DLGAP4: variants seen among roughly 807,000 people sequenced by gnomAD.
The protein encoded by DLGAP4 is disks large-associated protein 4.
A neutral mutation model predicts 86.9 loss-of-function variants in DLGAP4; 18 were observed. That is an observed-to-expected ratio of 0.21 (90% CI 0.14 to 0.31). The LOEUF is 0.31. DLGAP4 is among the 10% of genes least tolerant of loss of function. The pLI is 1.00. For synonymous variants in DLGAP4, 548 were observed against 574.3 expected (o/e 0.95, Z 0.65); for missense variants, 1,085 against 1,362.6 (o/e 0.80, Z 3.21).
chr20:36,423,200 G>C (rs2032875818), intron 2 of DLGAP4, among the ~76,000 whole-genome samples: 1 of 152,144 alleles, frequency 6.6e-6, no homozygotes, highest in Non-Finnish European at 1.5e-5. Context: ...GGTGGCTCAT[G>C]CCTGTAATCC....
At chr20:36,339,981 G>A (rs1437335154) in intron 1 of DLGAP4, among the ~76,000 whole-genome samples, 3 of 152,342 alleles carry the variant, frequency 2.0e-5, no homozygotes, top group African/African-American at 7.2e-5. Context: ...TGAGGCTAAG[G>A]CAGCCGCAGA....
At chr20:36,399,914 A>G (rs2032106669) in intron 2 of DLGAP4, among the ~76,000 whole-genome samples, 3 of 152,204 alleles carry the variant, frequency 2.0e-5, no homozygotes, top group Admixed American at 2.0e-4. Flanking sequence ...TTGTTACCAC[A>G]GTAACTGAGC....
chr20:36,409,432 A>G (rs1422368817), intron 2 of DLGAP4, among the ~76,000 whole-genome samples: 1 of 132,838 alleles, frequency 7.5e-6, no homozygotes, highest in Admixed American at 8.0e-5. Flanking sequence ...TTTTTTTTTA[A>G]CTCTAAAGAA....
intron 2 of DLGAP4, among the ~76,000 whole-genome samples, chr20:36,374,323 C>T (rs2147430005): frequency 6.6e-6 from 1 of 152,234 alleles, no homozygotes; most frequent in Middle Eastern, 3.4e-3. Flanking sequence ...AAAAGGCCAG[C>T]CTGGGGACAA....
chr20:36,364,450 A>C (rs554830352), intron 1 of DLGAP4, among the ~76,000 whole-genome samples: 1 of 152,338 alleles, frequency 6.6e-6, no homozygotes, highest in South Asian at 2.1e-4. Flanking sequence ...TGTATAGTTA[A>C]TGGCTTTTAG....
intron 3 of DLGAP4, among the ~76,000 whole-genome samples, chr20:36,435,622 G>A (rs564907148): frequency 6.6e-6 from 1 of 152,326 alleles, no homozygotes; most frequent in East Asian, 1.9e-4. Context: ...ATATCCATTG[G>A]CTCTGGGATC....
chr20:36,497,659 T>C (rs534646288), intron 8 of DLGAP4: 2 of 985,428 alleles, frequency 2.0e-6, no homozygotes, highest in African/African-American at 3.5e-5. Context: ...CCGGTCTCAC[T>C]GCCTCCCTCC....
chr20:36,329,652 T>A (rs1051159853), intron 1 of DLGAP4, among the ~76,000 whole-genome samples: 6 of 152,164 alleles, frequency 3.9e-5, no homozygotes, highest in African/African-American at 1.4e-4. Context: ...ATCCCAGCAC[T>A]TTGGGAGGCC....
intron 2 of DLGAP4, among the ~76,000 whole-genome samples, chr20:36,370,763 T>A (rs2030897449): frequency 6.6e-6 from 1 of 152,192 alleles, no homozygotes; most frequent in South Asian, 2.1e-4. Context: ...GAGGCTGCAA[T>A]GAAGTATGAT....
intron 7 of DLGAP4, among the ~76,000 whole-genome samples, chr20:36,491,064 C>T (rs559429032): frequency 5.0e-4 from 75 of 150,836 alleles, no homozygotes; most frequent in African/African-American, 1.7e-3. Flanking sequence ...CAAAAATTAG[C>T]CAGGCATGGT....
At chr20:36,410,729 C>T (rs1185124355) in intron 2 of DLGAP4, among the ~76,000 whole-genome samples, 1 of 152,106 alleles carries the variant, frequency 6.6e-6, no homozygotes, top group Non-Finnish European at 1.5e-5. Context: ...GGGAATGGTG[C>T]TAAGCCATTC....
chr20:36,439,712 A>G, intron 4 of DLGAP4, 42 bp from the exon 5 acceptor site: 1 of 1,567,256 alleles, frequency 6.4e-7, no homozygotes, highest in Non-Finnish European at 8.7e-7. Flanking sequence ...CTGGGTGAAC[A>G]ATGGGTGGGC....
intron 1 of DLGAP4, among the ~76,000 whole-genome samples, chr20:36,311,244 G>T (rs1344664194): frequency 6.6e-6 from 1 of 151,772 alleles, no homozygotes; most frequent in African/African-American, 2.4e-5. Flanking sequence ...GGGGGGGGTG[G>T]ACCCTCAGCC....
At chr20:36,407,122 T>C (rs1041490963) in intron 2 of DLGAP4, among the ~76,000 whole-genome samples, 5 of 152,100 alleles carry the variant, frequency 3.3e-5, no homozygotes, top group Non-Finnish European at 5.9e-5. Flanking sequence ...GGAGGATCAC[T>C]TGAGGCCAGG....
intron 1 of DLGAP4, among the ~76,000 whole-genome samples, chr20:36,346,569 G>A (rs1555893013): frequency 6.6e-6 from 1 of 152,212 alleles, no homozygotes; most frequent in East Asian, 1.9e-4. Context: ...CCTGGTGTGT[G>A]GTGTGGGATG....
intron 2 of DLGAP4, among the ~76,000 whole-genome samples, chr20:36,389,926 C>T (rs1028173401): frequency 1.3e-5 from 2 of 152,190 alleles, no homozygotes; most frequent in African/African-American, 2.4e-5. Context: ...TCCCCAAAGG[C>T]TCTGGGGTTC....
At chr20:36,462,666 GGGGTTGGCGCTGGGGCAA>G in intron 7 of DLGAP4, 1 of 1,545,608 alleles carries the variant, frequency 6.5e-7, no homozygotes, top group South Asian at 1.2e-5. Flanking sequence ...GAGGCTCCAT[GGGGTTGGCGCTGGGGCAA>G]GGGCTGGCGC....
chr20:36,471,057 C>T (rs2034640169), intron 7 of DLGAP4, among the ~76,000 whole-genome samples: 1 of 152,142 alleles, frequency 6.6e-6, no homozygotes, highest in South Asian at 2.1e-4. Flanking sequence ...TTTTTAATTG[C>T]CTTCTTTTTC....
chr20:36,484,243 T>A (rs2035311692), intron 7 of DLGAP4, among the ~76,000 whole-genome samples: 1 of 152,238 alleles, frequency 6.6e-6, no homozygotes, highest in Non-Finnish European at 1.5e-5. Flanking sequence ...CCAGTTCATG[T>A]CCAGCCCTCT....
Sources: allele counts gnomAD v4.1 joint callset (sites outside exome capture counted in the v4.1 genomes callset), GRCh38; gene constraint gnomAD v4.1.1; transcripts MANE v1.5; gene names NCBI Gene and HGNC (gene_info 2026-07-23, HGNC 2026-07-21).